The following CELF5 variants were observed in gnomAD, a reference collection of about 807,000 sequenced individuals.
CELF5 encodes the protein CUGBP Elav-like family member 5, also known as CUG-BP and ETR-3 like factor 5.
A neutral mutation model predicts 54.9 loss-of-function variants in CELF5; 6 were observed. The ratio of observed to expected loss-of-function variants is 0.11; its 90% CI spans 0.06 to 0.22. The LOEUF (loss-of-function observed/expected upper bound fraction) is 0.22. Ranked by LOEUF, CELF5 falls within the 10% of genes least tolerant of loss-of-function variation. CELF5 has a pLI of 1.00. For synonymous variants in CELF5, 271 were observed against 290.9 expected (o/e 0.93, Z 0.70); for missense variants, 401 against 678.6 (o/e 0.59, Z 4.54).
At chr19:3,236,713 G>A (rs1013245455) in intron 1 of CELF5, among the ~76,000 whole-genome samples, 20 of 152,152 alleles carry the variant, frequency 1.3e-4, no homozygotes, top group African/African-American at 3.9e-4. Flanking sequence ...GGCCAGGCGC[G>A]ATGGCTCACG....
intron 1 of CELF5, among the ~76,000 whole-genome samples, chr19:3,237,203 T>C (rs927785928): frequency 4.8e-5 from 7 of 145,530 alleles, no homozygotes; most frequent in African/African-American, 1.8e-4. Context: ...TCCCAGCTAC[T>C]CGGGAGGCTG....
At chr19:3,258,668 G>A (rs2145176711) in intron 2 of CELF5, among the ~76,000 whole-genome samples, 2 of 152,234 alleles carry the variant, frequency 1.3e-5, no homozygotes, top group South Asian at 4.1e-4. Flanking sequence ...CTGGAGTGCA[G>A]TGTTGCAATC....
Position 3,262,559 on chromosome 19 carries a change from G to A in CELF5, c.343-11313G>A, listed in dbSNP as rs113452706. Among the ~76,000 whole-genome samples, 1,141 of 152,258 alleles carry A rather than the reference G, an allele frequency of 7.5e-3. 16 individuals carry two copies. The highest frequency in any genetic ancestry group is 0.026 in the African/African-American group (1,069 of 41,540). ...GAGGTCAATTACTGTATCATGGACA[G>A]CATAGGTCTAGAATATTCTAGACCC... On this transcript the variant is annotated intron_variant, in intron 2 of 12. Transcript: ENST00000292672.
At chr19:3,263,460 C>T (rs561519089) in intron 2 of CELF5, among the ~76,000 whole-genome samples, 121 of 152,090 alleles carry the variant, frequency 8.0e-4, no homozygotes, top group African/African-American at 2.8e-3. Flanking sequence ...ACTCAGGAGG[C>T]TGAGGCACAC....
At chr19:3,266,120 T>A (rs1024293561) in intron 2 of CELF5, among the ~76,000 whole-genome samples, 20 of 152,120 alleles carry the variant, frequency 1.3e-4, no homozygotes, top group African/African-American at 4.6e-4. Context: ...CACTTTTAAT[T>A]ACATTTAAAT....
At chr19:3,263,392 T>C (rs1460498707) in intron 2 of CELF5, among the ~76,000 whole-genome samples, 1 of 151,212 alleles carries the variant, frequency 6.6e-6, no homozygotes, top group Non-Finnish European at 1.5e-5. Context: ...AAACTCCGTC[T>C]CTACTCAAAA....
rs146276416 is a variant in CELF5 at position 3,252,557 on chromosome 19, C to T, written c.342+1490C>T. Among the ~76,000 whole-genome samples, 752 of 152,262 alleles carry T rather than the reference C, an allele frequency of 4.9e-3. 3 individuals are homozygous for T. The highest frequency in any genetic ancestry group is 0.017 in the African/African-American group (700 of 41,562). ...GGAATTCTCAGGGACCTTTCAGCCT[C>T]CAGGGACATCAGGGCATTCGTAGCC... On this transcript the variant is annotated intron_variant, in intron 2 of 12. Transcript: ENST00000292672.
intron 2 of CELF5, 106 bp downstream of exon 2, chr19:3,251,173 G>A (rs376494697): frequency 1.5e-5 from 12 of 820,908 alleles, no homozygotes; most frequent in South Asian, 9.0e-5. Flanking sequence ...TGTGTGTCTC[G>A]GGACTCAGAA....
chr19:3,239,442 C>T (rs971669516), intron 1 of CELF5, among the ~76,000 whole-genome samples: 1 of 151,926 alleles, frequency 6.6e-6, no homozygotes. Context: ...CACTGTGTTG[C>T]CCAGGCTCGT....
intron 8 of CELF5, 163 bp from the exon 9 acceptor site, chr19:3,284,739 G>C (rs1328895847): frequency 4.6e-6 from 3 of 649,436 alleles, no homozygotes; most frequent in Non-Finnish European, 8.5e-6. Flanking sequence ...TGTGCAAGTG[G>C]CTTCACCTTC....
Position 3,256,534 on chromosome 19 carries a change from T to TTTATTA in CELF5, c.342+5504_342+5509dup, listed in dbSNP as rs58462515. 8.1e-3 allele frequency among the ~76,000 whole-genome samples: 1,167 copies of TTTATTA among 144,496 alleles called. 14 individuals are homozygous for TTTATTA. The highest frequency in any genetic ancestry group is 0.019 in the Admixed American group (273 of 14,380). 94.8% of individuals were successfully genotyped at this position (144,496 alleles called of 152,430 possible). A position where few individuals can be genotyped will look rare whatever the true frequency, so the allele number is the denominator to read the frequency against. On this transcript the variant is annotated intron_variant, in intron 2 of 12. Coordinates refer to ENST00000292672, the MANE Select transcript of CELF5 (RefSeq NM_021938.4). ...GCAATGACTCAGGACGGAGGTTTCA[T>TTTATTA]TTATTATTATTATTATTATTATTAT...
At chr19:3,266,093 G>A (rs1040925100) in intron 2 of CELF5, among the ~76,000 whole-genome samples, 7 of 152,090 alleles carry the variant, frequency 4.6e-5, no homozygotes, top group Admixed American at 1.3e-4. Flanking sequence ...AGGCGTGAGC[G>A]CACCACGCCC....
chr19:3,273,767 G>A, intron 2 of CELF5, 105 bp from the exon 3 acceptor site: 1 of 766,558 alleles, frequency 1.3e-6, no homozygotes. Flanking sequence ...CTGAGGGCTG[G>A]TGGTGGGAGG....
intron 1 of CELF5, among the ~76,000 whole-genome samples, chr19:3,235,584 G>A (rs1234735081): frequency 1.3e-5 from 2 of 152,018 alleles, no homozygotes; most frequent in African/African-American, 4.8e-5. Flanking sequence ...GTGGATGGGT[G>A]GGTGGATGGA....
rs529271667 is a variant in CELF5 at position 3,282,343 on chromosome 19, G to A, written c.893-9G>A. On this transcript the variant is annotated splice_polypyrimidine_tract_variant and intron_variant, in intron 7 of 12. Transcript: ENST00000292672. This position sits in a 1 kb window ranked among gnomAD's most constrained non-coding sequence, Gnocchi z 5.2. ...ACTGGCCTCCCCATGACCCTCTTCC[G>A]CTCTGCAGGGCTGCACTCACCCCCG... The A allele has an allele frequency of 8.7e-5, 140 of 1,608,526 alleles. No individual in the cohort carries two copies. In the African/African-American group the frequency reaches 1.1e-3, roughly 13 times the overall value.
At chr19:3,295,303 T>TC (rs1195594036) in intron 12 of CELF5, 3 of 152,054 alleles carry the variant, frequency 2.0e-5, no homozygotes, top group African/African-American at 7.2e-5. Context: ...TCTCGCTTCT[T>TC]CCCCACAAAA....
rs147010101 is a variant in CELF5, at chr19:3,264,467, G to C, written c.343-9405G>C. On this transcript the variant is annotated intron_variant, in intron 2 of 12. Coordinates refer to ENST00000292672, the MANE Select transcript of CELF5 (RefSeq NM_021938.4). Reference sequence around the variant, plus strand: ...GTCTTGCTGTGTCACCCAGGCTGGAGTGCAGTAGCGCAATCTCGGCTCACT... The same window carrying C: ...GTCTTGCTGTGTCACCCAGGCTGGACTGCAGTAGCGCAATCTCGGCTCACT... Among the ~76,000 whole-genome samples, 564 of 151,202 alleles carry C rather than the reference G, an allele frequency of 3.7e-3. 6 individuals are homozygous for C. The highest frequency in any genetic ancestry group is 0.013 in the African/African-American group (541 of 41,122).
chr19:3,269,074 G>C (rs940186855), intron 2 of CELF5, among the ~76,000 whole-genome samples: 8 of 152,228 alleles, frequency 5.3e-5, no homozygotes, highest in African/African-American at 1.9e-4. Flanking sequence ...GGGCCTAGGT[G>C]GGAGGGGAGG....
At position 3,285,887 on chromosome 19, in the gene CELF5, C is replaced by T; in HGVS notation, c.1103-55C>T. Reference sequence around the variant, plus strand: ...CCCCTCCCCGCCCAGCGGCCCAGGCCGCCCACGTGGCCTCACGCCCCTCCT... The same window carrying T: ...CCCCTCCCCGCCCAGCGGCCCAGGCTGCCCACGTGGCCTCACGCCCCTCCT... On this transcript the variant is annotated intron_variant, in intron 9 of 12. Coordinates refer to ENST00000292672, the MANE Select transcript of CELF5 (RefSeq NM_021938.4). The T allele has an allele frequency of 5.8e-6, 8 of 1,376,672 alleles. No individual in the cohort carries two copies. In the South Asian group the frequency reaches 6.0e-5, roughly 10 times the overall value. The allele number at this position is 1,376,672 out of a possible 1,614,324, so 85.3% of individuals were successfully genotyped here. A position where few individuals can be genotyped will look rare whatever the true frequency, so the allele number is the denominator to read the frequency against.
Sources: gnomAD v4.1 joint callset for allele counts (sites outside exome capture counted in the v4.1 genomes callset) on GRCh38, gnomAD v4.1.1 for gene constraint, Gnocchi (gnomAD v3.1) non-coding constraint, MANE v1.5 for transcripts, NCBI Gene and HGNC (gene_info 2026-07-23, HGNC 2026-07-21) for gene names.